Variants in ATP6V0E1 observed in about 807,000 individuals in gnomAD.
ATP6V0E1 encodes V-type proton ATPase subunit e 1.
A neutral mutation model predicts 11.6 loss-of-function variants in ATP6V0E1; 4 were observed. The ratio of observed to expected loss-of-function variants is 0.35; its 90% CI spans 0.17 to 0.79. ATP6V0E1 has a LOEUF of 0.79. Ranked by LOEUF, ATP6V0E1 falls within the 30% of genes least tolerant of loss-of-function variation. The probability of loss-of-function intolerance (pLI) is 0.54; values close to 1 mark genes in which losing one functional copy is unlikely to be tolerated. For synonymous variants in ATP6V0E1, 36 were observed against 34.8 expected (o/e 1.04, Z -0.13); for missense variants, 105 against 100.0 (o/e 1.05, Z -0.21).
rs1356283001 is a variant in ATP6V0E1 at position 172,994,842 on chromosome 5, G to A, written c.152+20G>A. 1 of 1,578,214 alleles carries A rather than the reference G, an allele frequency of 6.3e-7. No homozygotes were observed. Among genetic ancestry groups the A allele is most frequent in the African/African-American group, 1.4e-5 (1 of 73,320 alleles). Reference sequence around the variant, plus strand: ...TCTCTTGTAAGTAATTTTTTCTTAAGTAATTATTCTTGGTATTTGTAGTGT... The same window carrying A: ...TCTCTTGTAAGTAATTTTTTCTTAAATAATTATTCTTGGTATTTGTAGTGT... On this transcript the variant is annotated intron_variant, in intron 2 of 3. Transcript: ENST00000519374.
intron 2 of ATP6V0E1, among the ~76,000 whole-genome samples, chr5:173,007,329 G>A (rs1718470313): frequency 6.6e-6 from 1 of 152,130 alleles, no homozygotes; most frequent in African/African-American, 2.4e-5. Context: ...TCTCGTGGCT[G>A]TCAGAATTCA....
chr5:173,009,765 CTT>C (rs1169432985), intron 2 of ATP6V0E1, among the ~76,000 whole-genome samples: 36 of 117,160 alleles, frequency 3.1e-4, no homozygotes, highest in Admixed American at 6.1e-4. Context: ...CGCCTGGCCT[CTT>C]TTTTTTTTTT....
At chr5:173,012,817 A>C (rs1374091927) in intron 2 of ATP6V0E1, among the ~76,000 whole-genome samples, 1 of 152,144 alleles carries the variant, frequency 6.6e-6, no homozygotes, top group Non-Finnish European at 1.5e-5. Context: ...CTAGAAGCAA[A>C]CATAGGGACA....
rs1465138696 is a variant in ATP6V0E1 at position 173,027,204 on chromosome 5, A to AAT, written c.*36+6837_*36+6838insAT. 1.7e-3 allele frequency among the ~76,000 whole-genome samples: 173 copies of AAT among 99,170 alleles called. 2 individuals carry two copies. Among genetic ancestry groups the AAT allele is most frequent in the African/African-American group, 6.7e-3 (166 of 24,822 alleles). The allele number at this position is 99,170 out of a possible 152,430, so 65.1% of individuals were successfully genotyped here. ...AAAAAAAAAAAAAAAAAAAAAAAAA[A>AAT]TAGCCGGGCACGGTGGCTCACGCCT... On this transcript the variant is annotated intron_variant, in intron 3 of 3. Coordinates refer to ENST00000519374, the MANE Select transcript of ATP6V0E1 (RefSeq NM_003945.4).
chr5:173,009,479 T>TG, intron 2 of ATP6V0E1, among the ~76,000 whole-genome samples: 1 of 147,360 alleles, frequency 6.8e-6, no homozygotes, highest in South Asian at 2.2e-4. Flanking sequence ...TTTTTTTTTT[T>TG]GAGACAGAGT....
chr5:173,017,132 C>T (rs911960203), intron 2 of ATP6V0E1, among the ~76,000 whole-genome samples: 16 of 152,138 alleles, frequency 1.1e-4, no homozygotes, highest in Non-Finnish European at 1.9e-4. Context: ...AAGATCCACC[C>T]GGATAATGGC....
At chr5:172,984,456 T>A (rs1189907998) in intron 1 of ATP6V0E1, among the ~76,000 whole-genome samples, 1 of 152,144 alleles carries the variant, frequency 6.6e-6, no homozygotes, top group Admixed American at 6.5e-5. Context: ...AGGCCTTGCA[T>A]CTAGTGGGCG....
At chr5:173,023,402 G>A (rs1478278178) in intron 3 of ATP6V0E1, among the ~76,000 whole-genome samples, 3 of 152,082 alleles carry the variant, frequency 2.0e-5, no homozygotes, top group African/African-American at 7.2e-5. Context: ...CACCATGTTG[G>A]CCAGGCTGGT....
chr5:172,996,148 C>T (rs1309704475), intron 2 of ATP6V0E1, among the ~76,000 whole-genome samples: 1 of 152,072 alleles, frequency 6.6e-6, no homozygotes, highest in Non-Finnish European at 1.5e-5. Context: ...CCACTGCATG[C>T]CCGTTAATAA....
intron 3 of ATP6V0E1, among the ~76,000 whole-genome samples, chr5:173,025,397 G>A (rs903442794): frequency 2.5e-4 from 38 of 150,302 alleles, no homozygotes; most frequent in African/African-American, 8.6e-4. Flanking sequence ...TGCCTGTCTC[G>A]GCCTACCAAA....
chr5:172,989,316 G>A (rs1488775451), intron 1 of ATP6V0E1, among the ~76,000 whole-genome samples: 1 of 152,062 alleles, frequency 6.6e-6, no homozygotes, highest in Non-Finnish European at 1.5e-5. Flanking sequence ...TCTAGCCTAG[G>A]CAACAGAGTG....
intron 2 of ATP6V0E1, among the ~76,000 whole-genome samples, chr5:173,014,205 A>G (rs1223215346): frequency 1.3e-5 from 2 of 151,910 alleles, no homozygotes; most frequent in Non-Finnish European, 2.9e-5. Context: ...GATGCCAGCA[A>G]GGATGCAGAG....
At chr5:172,990,551 G>A (rs1448486729) in intron 1 of ATP6V0E1, among the ~76,000 whole-genome samples, 3 of 151,740 alleles carry the variant, frequency 2.0e-5, no homozygotes, top group East Asian at 1.9e-4. Context: ...TGGGCTAGCC[G>A]GGCATGGTGG....
chr5:173,027,381 A>G (rs1217546363), intron 3 of ATP6V0E1, among the ~76,000 whole-genome samples: 1 of 139,208 alleles, frequency 7.2e-6, no homozygotes, highest in Non-Finnish European at 1.5e-5. Flanking sequence ...GGGTGCCTGT[A>G]GTCCCAGTTA....
intron 2 of ATP6V0E1, among the ~76,000 whole-genome samples, chr5:173,019,537 G>T (rs1460813603): frequency 6.6e-6 from 1 of 151,478 alleles, no homozygotes; most frequent in African/African-American, 2.4e-5. Context: ...CTGGGCGAAA[G>T]AGCGAGACTC....
intron 2 of ATP6V0E1, among the ~76,000 whole-genome samples, chr5:173,019,273 C>T (rs192039300): frequency 1.3e-5 from 2 of 152,006 alleles, no homozygotes; most frequent in East Asian, 2.0e-4. Context: ...ACCCTGAAGT[C>T]GGCTGGGCGA....
At chr5:172,999,223 C>T (rs1323165727) in intron 2 of ATP6V0E1, among the ~76,000 whole-genome samples, 1 of 152,164 alleles carries the variant, frequency 6.6e-6, no homozygotes, top group Admixed American at 6.5e-5. Flanking sequence ...TTGTGACTTC[C>T]TGGTTCTCCA....
chr5:172,998,543 G>A (rs1383760118), intron 2 of ATP6V0E1, among the ~76,000 whole-genome samples: 2 of 150,178 alleles, frequency 1.3e-5, no homozygotes, highest in African/African-American at 2.4e-5. Flanking sequence ...CCCGGGAGGT[G>A]GATGTTGCAG....
At chr5:172,992,379 G>A (rs999638425) in intron 1 of ATP6V0E1, among the ~76,000 whole-genome samples, 3 of 152,088 alleles carry the variant, frequency 2.0e-5, no homozygotes, top group Non-Finnish European at 2.9e-5. Context: ...CAGAGTCAAA[G>A]CCTTTTAAGA....
Sources: gnomAD v4.1 joint callset for allele counts (sites outside exome capture counted in the v4.1 genomes callset) on GRCh38, gnomAD v4.1.1 for gene constraint, MANE v1.5 for transcripts, NCBI Gene and HGNC (gene_info 2026-07-23, HGNC 2026-07-21) for gene names.